COL4A5: variants seen among roughly 807,000 people sequenced by gnomAD.
The protein encoded by COL4A5 is collagen type IV alpha 5 chain.
Under a neutral mutation model 130.2 loss-of-function variants are expected in COL4A5, and 26 were observed. The observed-to-expected ratio is 0.20, with a 90% CI of 0.15 to 0.28. COL4A5 has a LOEUF of 0.28. Among genes scored for constraint, COL4A5 ranks in the 10% least tolerant of loss-of-function variants. The pLI is 1.00. For missense variants in COL4A5, 1,131 were observed against 1,344.3 expected (o/e 0.84, Z 2.48); for synonymous variants, 496 against 439.6 (o/e 1.13, Z -1.60).
chrX:108,495,845 C>T (rs935102639), intron 1 of COL4A5, among the ~76,000 whole-genome samples: 1 of 112,130 alleles, frequency 8.9e-6, no homozygotes, highest in Non-Finnish European at 1.9e-5. Context: ...GGTTCAGCAT[C>T]CTGGACTTCC....
chrX:108,549,848 A>G (rs1220209603), intron 2 of COL4A5, among the ~76,000 whole-genome samples: 1 of 111,943 alleles, frequency 8.9e-6, no homozygotes, highest in Non-Finnish European at 1.9e-5. Flanking sequence ...GAATGTTCCT[A>G]CAGCCATTAA....
At chrX:108,625,935 T>A in intron 35 of COL4A5, 141 bp downstream of exon 35, 1 of 515,721 alleles carries the variant, frequency 1.9e-6, no homozygotes, top group Non-Finnish European at 3.3e-6. Context: ...AGTGTTCTCT[T>A]GTTACACAAA....
At chrX:108,473,096 T>C (rs906698750) in intron 1 of COL4A5, among the ~76,000 whole-genome samples, 2 of 112,139 alleles carry the variant, frequency 1.8e-5, no homozygotes, top group Non-Finnish European at 3.8e-5. Flanking sequence ...CTTTAGAACA[T>C]ACATTCCTCA....
chrX:108,656,494 T>C (rs2067844719), intron 37 of COL4A5, among the ~76,000 whole-genome samples: 1 of 112,149 alleles, frequency 8.9e-6, no homozygotes, highest in Non-Finnish European at 1.9e-5. Context: ...GATAAACATA[T>C]ACATTGATTT....
chrX:108,606,420 G>A (rs1204563032), intron 28 of COL4A5, among the ~76,000 whole-genome samples: 2 of 110,428 alleles, frequency 1.8e-5, no homozygotes, highest in African/African-American at 6.6e-5. Flanking sequence ...AAAAATAATT[G>A]TTTAGTATTA....
intron 19 of COL4A5, among the ~76,000 whole-genome samples, chrX:108,589,914 A>G (rs763940179): frequency 2.7e-5 from 3 of 111,585 alleles, no homozygotes; most frequent in Non-Finnish European, 3.8e-5. Context: ...ATCTATTAAT[A>G]TAAGGAACTT....
chrX:108,550,007 C>T (rs751594762), intron 2 of COL4A5, among the ~76,000 whole-genome samples: 3 of 111,338 alleles, frequency 2.7e-5, no homozygotes, highest in African/African-American at 9.8e-5. Context: ...TATAAATTAG[C>T]CCTATATATA....
At chrX:108,682,548 G>T (rs1439878997) in intron 47 of COL4A5, among the ~76,000 whole-genome samples, 2 of 112,026 alleles carry the variant, frequency 1.8e-5, no homozygotes, top group Non-Finnish European at 3.8e-5. Context: ...ATCCTCTCCA[G>T]CATCTGTTGT....
chrX:108,563,763 G>A (rs765668576), intron 3 of COL4A5, 119 bp from the exon 4 acceptor site: 1 of 595,203 alleles, frequency 1.7e-6, no homozygotes, highest in East Asian at 3.6e-5. Context: ...GGGTGTATAA[G>A]TTTTTCACTA....
At chrX:108,575,806 C>A in intron 9 of COL4A5, 104 bp from the exon 10 acceptor site, 3 of 578,395 alleles carry the variant, frequency 5.2e-6, no homozygotes, top group Non-Finnish European at 8.7e-6. Flanking sequence ...CATTGCACTC[C>A]AGCCTGGGCG....
intron 1 of COL4A5, among the ~76,000 whole-genome samples, chrX:108,458,646 A>G (rs1231747613): frequency 8.9e-6 from 1 of 111,814 alleles, no homozygotes; most frequent in Non-Finnish European, 1.9e-5. Context: ...AACAGTATTC[A>G]GTGTTCTGAT....
chrX:108,477,579 C>T (rs910975259), intron 1 of COL4A5, among the ~76,000 whole-genome samples: 7 of 110,388 alleles, frequency 6.3e-5, no homozygotes, highest in Non-Finnish European at 9.5e-5. Context: ...TTTGGGAGGC[C>T]GAGGTGGGTG....
At chrX:108,579,594 T>C (rs1414069970) in intron 13 of COL4A5, among the ~76,000 whole-genome samples, 4 of 112,139 alleles carry the variant, frequency 3.6e-5, no homozygotes, top group African/African-American at 9.7e-5. Context: ...GAAATAATTA[T>C]CTGATACCCT....
At chrX:108,507,262 G>GAAAAA (rs765631228) in intron 1 of COL4A5, among the ~76,000 whole-genome samples, 1 of 71,708 alleles carries the variant, frequency 1.4e-5, no homozygotes, top group African/African-American at 5.1e-5. Context: ...AAAAAAAAAA[G>GAAAAA]AAAAAAAAAA....
Position 108,615,034 on chromosome X carries a change from G to C in COL4A5, c.2509+10G>C. 1 of 1,103,099 alleles carries C rather than the reference G, an allele frequency of 9.1e-7. No homozygotes were observed. The highest frequency in any genetic ancestry group is 1.3e-6 in the Non-Finnish European group (1 of 797,174). The allele number at this position is 1,103,099 out of a possible 1,213,427, so 90.9% of individuals were successfully genotyped here. A position where few individuals can be genotyped will look rare whatever the true frequency, so the allele number is the denominator to read the frequency against. On this transcript the variant is annotated intron_variant, in intron 30 of 52. Coordinates refer to ENST00000328300, the MANE Select transcript of COL4A5 (RefSeq NM_033380.3). ...CCAATAGGTCAACCTGGTAAGATTA[G>C]AGTAAATGTGCATTTTGTAGCACTC...
intron 1 of COL4A5, among the ~76,000 whole-genome samples, chrX:108,481,377 AG>A (rs1368547476): frequency 9.0e-6 from 1 of 111,563 alleles, no homozygotes; most frequent in Non-Finnish European, 1.9e-5. Context: ...AAGGGGACCC[AG>A]CCTCCCCTTC....
chrX:108,480,735 C>A (rs772591730), intron 1 of COL4A5, among the ~76,000 whole-genome samples: 2 of 112,623 alleles, frequency 1.8e-5, no homozygotes, highest in Non-Finnish European at 3.8e-5. Flanking sequence ...ATTGGAGTAA[C>A]CACTTGGTTA....
intron 10 of COL4A5, among the ~76,000 whole-genome samples, chrX:108,576,178 G>A (rs1395830493): frequency 2.7e-5 from 3 of 111,698 alleles, no homozygotes; most frequent in Non-Finnish European, 5.7e-5. Context: ...GAAAAATGAG[G>A]TATATAAAAG....
intron 1 of COL4A5, among the ~76,000 whole-genome samples, chrX:108,517,657 A>G (rs777946320): frequency 9.0e-6 from 1 of 111,432 alleles, no homozygotes; most frequent in Non-Finnish European, 1.9e-5. Context: ...TGCTAATTCT[A>G]TGCTGTGATC....
Sources: allele counts gnomAD v4.1 joint callset (sites outside exome capture counted in the v4.1 genomes callset), GRCh38; gene constraint gnomAD v4.1.1; transcripts MANE v1.5; gene names NCBI Gene and HGNC (gene_info 2026-07-23, HGNC 2026-07-21).